The following RPH3A variants were observed in gnomAD, a reference collection of about 807,000 sequenced individuals.
RPH3A encodes rabphilin-3A.
A neutral mutation model predicts 102.2 loss-of-function variants in RPH3A; 48 were observed. The ratio of observed to expected loss-of-function variants is 0.47; its 90% CI spans 0.37 to 0.60. RPH3A has a LOEUF of 0.60. Ranked by LOEUF, RPH3A falls within the 20% of genes least tolerant of loss-of-function variation. The pLI is 0.00. For missense variants in RPH3A, 781 were observed against 910.1 expected, an observed-to-expected ratio of 0.86 and a Z score of 1.83; for synonymous variants, 310 against 324.3, an observed-to-expected ratio of 0.96 and a Z score of 0.47.
intron 1 of RPH3A, among the ~76,000 whole-genome samples, chr12:112,663,059 G>GGTGTGTGTGTGTGTGTGTGTGTGTGT (rs60392620): frequency 1.4e-5 from 2 of 141,244 alleles, no homozygotes; most frequent in African/African-American, 5.4e-5. Flanking sequence ...CTAAGTGATT[G>GGTGTGTGTGTGTGTGTGTGTGTGTGT]GTGTGTGTGT....
intron 1 of RPH3A, among the ~76,000 whole-genome samples, chr12:112,611,171 G>T (rs2070624489): frequency 6.6e-6 from 1 of 152,214 alleles, no homozygotes; most frequent in South Asian, 2.1e-4. Context: ...ATAGGTAGAT[G>T]TCAAGCATTC....
chr12:112,765,964 T>C (rs543456981), intron 1 of RPH3A, among the ~76,000 whole-genome samples: 2 of 152,222 alleles, frequency 1.3e-5, no homozygotes, highest in African/African-American at 2.4e-5. Flanking sequence ...ACTGTCACCA[T>C]GGACCCTTCC....
intron 18 of RPH3A, 135 bp downstream of exon 18, chr12:112,890,215 A>T: frequency 1.3e-6 from 1 of 788,358 alleles, no homozygotes; most frequent in Non-Finnish European, 2.1e-6. Context: ...TTGCCTTGAG[A>T]ACAACCCTTT....
chr12:112,759,896 T>C (rs1261765971), intron 1 of RPH3A, among the ~76,000 whole-genome samples: 3 of 152,186 alleles, frequency 2.0e-5, no homozygotes, highest in Non-Finnish European at 4.4e-5. Context: ...AGGTAAGTCA[T>C]TGATCAGCCC....
In RPH3A at chr12:112,875,138, A is replaced by G. The variant is rs1482776896; in HGVS notation, c.851A>G (p.Gln284Arg). The G allele has an allele frequency of 6.2e-7, 1 of 1,609,100 alleles. No homozygotes were observed. The highest frequency in any genetic ancestry group is 8.5e-7 in the Non-Finnish European group (1 of 1,178,276). The change falls in exon 11 of 22, where the codon CAG becomes CGG. Residue 284 changes from glutamine (Q) to arginine (R), a missense_variant. Transcript: ENST00000389385. ...TCCAGACCTGCCCCAGGCTCGGTGCAGAGCCCAGCGCCACCTCAGCCTGGG... is the reference window on the plus strand; with the variant it reads ...TCCAGACCTGCCCCAGGCTCGGTGCGGAGCCCAGCGCCACCTCAGCCTGGG... ...QASRPAPGSVQSPAPPQPGQP... is the reference protein window; with the variant it reads ...QASRPAPGSVRSPAPPQPGQP...
chr12:112,826,813 C>T (rs2041883981), intron 2 of RPH3A, among the ~76,000 whole-genome samples: 1 of 152,214 alleles, frequency 6.6e-6, no homozygotes, highest in African/African-American at 2.4e-5. Flanking sequence ...TACAAATAAA[C>T]CACAATGGCT....
rs1482802773 is a variant in RPH3A at position 112,835,732 on chromosome 12, C to T, written c.72-759C>T. 2.6e-5 allele frequency among the ~76,000 whole-genome samples: 4 copies of T among 152,152 alleles called. No homozygotes were observed. The East Asian group carries it at 5.8e-4, about 22-fold the overall frequency. ...TAATTAACTGCTGGCTAGCTAGATA[C>T]GCTTCCTGCTTTTGTTATTTTCAAA... is the stretch of plus-strand genomic sequence containing the variant. On this transcript the variant is annotated intron_variant, in intron 3 of 21. Transcript: ENST00000389385.
intron 1 of RPH3A, among the ~76,000 whole-genome samples, chr12:112,730,020 T>C (rs199508334): frequency 8.6e-5 from 13 of 150,562 alleles, no homozygotes; most frequent in Admixed American, 5.3e-4. Flanking sequence ...CACACACACA[T>C]ACACACACAC....
chr12:112,723,719 GATT>G (rs1448416619), intron 1 of RPH3A, among the ~76,000 whole-genome samples: 1 of 152,206 alleles, frequency 6.6e-6, no homozygotes, highest in Non-Finnish European at 1.5e-5. Context: ...ACTTGGAGAT[GATT>G]ATTGTCACAT....
chr12:112,668,828 A>G, intron 1 of RPH3A, among the ~76,000 whole-genome samples: 1 of 152,172 alleles, frequency 6.6e-6, no homozygotes, highest in East Asian at 1.9e-4. Flanking sequence ...TTAAAAAAAA[A>G]AAGTAAGTGG....
chr12:112,888,174 G>T (rs1245473696), intron 17 of RPH3A, among the ~76,000 whole-genome samples: 2 of 152,240 alleles, frequency 1.3e-5, no homozygotes, highest in Non-Finnish European at 2.9e-5. Flanking sequence ...GGACAGCATG[G>T]CAGGGGCAGC....
chr12:112,618,233 C>T (rs1351461477), intron 1 of RPH3A, among the ~76,000 whole-genome samples: 1 of 152,182 alleles, frequency 6.6e-6, no homozygotes, highest in Admixed American at 6.5e-5. Flanking sequence ...ACCCCTAAGT[C>T]ACCCCCTGCC....
chr12:112,715,515 A>G (rs2040507553), intron 1 of RPH3A, among the ~76,000 whole-genome samples: 1 of 152,206 alleles, frequency 6.6e-6, no homozygotes, highest in African/African-American at 2.4e-5. Flanking sequence ...AATGGTGCCT[A>G]GCATTAGAAG....
At chr12:112,678,253 GAAAGAAAGAAAGAA>G (rs2040196441) in intron 1 of RPH3A, among the ~76,000 whole-genome samples, 1 of 41,314 alleles carries the variant, frequency 2.4e-5, no homozygotes, top group African/African-American at 2.1e-4. Context: ...AAGAAAGAAA[GAAAGAAAGAAAGAA>G]AGAAAGAAAG....
chr12:112,799,357 C>T (rs2041296159), intron 2 of RPH3A, among the ~76,000 whole-genome samples: 1 of 152,182 alleles, frequency 6.6e-6, no homozygotes, highest in Non-Finnish European at 1.5e-5. Context: ...CACTGTACTA[C>T]AGCCTCGGTG....
chr12:112,659,963 G>C (rs2136002399), intron 1 of RPH3A, among the ~76,000 whole-genome samples: 1 of 152,286 alleles, frequency 6.6e-6, no homozygotes, highest in South Asian at 2.1e-4. Flanking sequence ...CTTTTTAGTG[G>C]TGAATGGTTT....
intron 1 of RPH3A, among the ~76,000 whole-genome samples, chr12:112,772,899 C>T (rs1312905437): frequency 6.6e-6 from 1 of 152,054 alleles, no homozygotes; most frequent in African/African-American, 2.4e-5. Context: ...CACTCTTCCC[C>T]TCAAGTATCC....
chr12:112,614,557 G>GCA (rs1247657019), intron 1 of RPH3A, among the ~76,000 whole-genome samples: 1 of 150,410 alleles, frequency 6.6e-6, no homozygotes, highest in Admixed American at 6.6e-5. Flanking sequence ...GCATGGTGAT[G>GCA]CACACCTGTA....
chr12:112,885,014 T>A (rs555725595), intron 16 of RPH3A, among the ~76,000 whole-genome samples: 6 of 152,268 alleles, frequency 3.9e-5, no homozygotes, highest in Non-Finnish European at 8.8e-5. Context: ...ACATTTTACA[T>A]GTGTATTCAT....
Sources: allele counts gnomAD v4.1 joint callset (sites outside exome capture counted in the v4.1 genomes callset), GRCh38; gene constraint gnomAD v4.1.1; transcripts MANE v1.5; gene names NCBI Gene and HGNC (gene_info 2026-07-23, HGNC 2026-07-21).